The following TLE1 variants were observed in gnomAD, a reference collection of about 807,000 sequenced individuals.
TLE1 encodes the protein transducin-like enhancer protein 1.
TLE1 carries 21 observed loss-of-function variants against 89.8 expected under a neutral mutation model. That is an observed-to-expected ratio of 0.23 (90% CI 0.17 to 0.34). The LOEUF is 0.34. Ranked by LOEUF, TLE1 falls within the 10% of genes least tolerant of loss-of-function variation. The probability of loss-of-function intolerance (pLI) is 1.00; values close to 1 mark genes in which losing one functional copy is unlikely to be tolerated. For missense variants in TLE1, 795 were observed against 1,031.2 expected, an observed-to-expected ratio of 0.77 and a Z score of 3.14; for synonymous variants, 447 against 407.6, an observed-to-expected ratio of 1.10 and a Z score of -1.16.
At chr9:81,612,140 T>A (rs1040285631) in intron 12 of TLE1, among the ~76,000 whole-genome samples, 181 bp from the exon 13 acceptor site, 5 of 152,138 alleles carry the variant, frequency 3.3e-5, no homozygotes, top group African/African-American at 7.2e-5. Context: ...CCAGAGCGAA[T>A]GCATCTCCAG....
At chr9:81,647,845 G>A (rs1489507784) in intron 6 of TLE1, among the ~76,000 whole-genome samples, 1 of 151,950 alleles carries the variant, frequency 6.6e-6, no homozygotes, top group Non-Finnish European at 1.5e-5. Flanking sequence ...ATTCCTATGT[G>A]GATTACCAAA....
chr9:81,675,728 G>C lies in TLE1; in HGVS notation c.234+9948C>G, dbSNP rs922792370. 2.0e-4 allele frequency among the ~76,000 whole-genome samples: 19 copies of C among 96,734 alleles called. 1 individual carries two copies. Among genetic ancestry groups the C allele is most frequent in the African/African-American group, 1.1e-3 (19 of 17,702 alleles). 63.5% of individuals were successfully genotyped at this position (96,734 alleles called of 152,430 possible). ...TTTTTGTTTTTTTTTTTGAGACGGA[G>C]TCTCGCTCTGTCGCCAGGCTGGAGT... On this transcript the variant is annotated intron_variant, in intron 4 of 19. Transcript: ENST00000376499.
Position 81,664,213 on chromosome 9 carries a change from G to A in TLE1, c.235-10177C>T, listed in dbSNP as rs575490282. 3.3e-5 allele frequency among the ~76,000 whole-genome samples: 5 copies of A among 150,642 alleles called. No individual in the cohort carries two copies. In the East Asian group the frequency reaches 5.9e-4, roughly 18 times the overall value. On this transcript the variant is annotated intron_variant, in intron 4 of 19. Coordinates refer to ENST00000376499, the MANE Select transcript of TLE1 (RefSeq NM_005077.5). The stretch of plus-strand genomic sequence containing the variant: ...ATGGATCACTTGAGGCCAGGAGTTC[G>A]AGACCAGCCTGGGCAACACAGCAAG...
intron 4 of TLE1, among the ~76,000 whole-genome samples, chr9:81,672,838 TTTG>T (rs1832399255): frequency 6.6e-6 from 1 of 152,196 alleles, no homozygotes; most frequent in Admixed American, 6.5e-5. Flanking sequence ...AACCAAATCC[TTTG>T]TTGTTCTTCC....
intron 4 of TLE1, among the ~76,000 whole-genome samples, chr9:81,663,418 A>G (rs887000538): frequency 6.6e-6 from 1 of 152,168 alleles, no homozygotes; most frequent in Non-Finnish European, 1.5e-5. Flanking sequence ...AGATAAAACA[A>G]GAAAGAGCTG....
intron 14 of TLE1, among the ~76,000 whole-genome samples, chr9:81,604,586 T>C (rs1272162154): frequency 1.3e-5 from 2 of 152,138 alleles, no homozygotes; most frequent in African/African-American, 4.8e-5. Context: ...GGAAAATGCA[T>C]TGTTCTGGGC....
chr9:81,615,119 A>AAAGAAG lies in TLE1; in HGVS notation c.918+857_918+862dup, dbSNP rs772033823. ...AAAAAAAAAAAAAAAAAAAAAAAAA[A>AAAGAAG]AAGAAGAAGAAGAAGAAGGCAATGA... is the stretch of plus-strand genomic sequence containing the variant. On this transcript the variant is annotated intron_variant, in intron 11 of 19. Transcript: ENST00000376499. 1.4e-3 allele frequency among the ~76,000 whole-genome samples: 116 copies of AAAGAAG among 81,304 alleles called. 6 individuals carry two copies. Among genetic ancestry groups the AAAGAAG allele is most frequent in the East Asian group, 5.6e-3 (13 of 2,338 alleles). The allele number at this position is 81,304 out of a possible 152,430, so 53.3% of individuals were successfully genotyped here.
intron 15 of TLE1, among the ~76,000 whole-genome samples, chr9:81,591,710 G>A (rs1180310994): frequency 1.3e-5 from 2 of 152,150 alleles, no homozygotes; most frequent in Non-Finnish European, 2.9e-5. Flanking sequence ...AAAGATTAAA[G>A]AAACTTTAAG....
intron 6 of TLE1, among the ~76,000 whole-genome samples, chr9:81,650,055 T>C: frequency 6.6e-6 from 1 of 152,198 alleles, no homozygotes; most frequent in East Asian, 1.9e-4. Flanking sequence ...CTCGCTTGCA[T>C]TGCGCCTGAT....
Position 81,669,919 on chromosome 9 carries a change from C to G in TLE1, c.234+15757G>C, listed in dbSNP as rs146871375. 1.8e-4 allele frequency among the ~76,000 whole-genome samples: 27 copies of G among 152,282 alleles called. 1 individual carries two copies. In the East Asian group the frequency reaches 5.2e-3, roughly 29 times the overall value. On this transcript the variant is annotated intron_variant, in intron 4 of 19. Coordinates refer to ENST00000376499, the MANE Select transcript of TLE1 (RefSeq NM_005077.5). ...ATAAGTTTAGGCCCCCACAGTATATCAATGTCAAACAACATCGTGTCAAGC... is the reference window on the plus strand; with the variant it reads ...ATAAGTTTAGGCCCCCACAGTATATGAATGTCAAACAACATCGTGTCAAGC...
chr9:81,630,149 AG>A (rs1222637123), intron 8 of TLE1, among the ~76,000 whole-genome samples: 1 of 151,794 alleles, frequency 6.6e-6, no homozygotes, highest in Non-Finnish European at 1.5e-5. Flanking sequence ...AAAAAAAAAC[AG>A]TAAGGAGTTC....
rs1564104241 is a variant in TLE1, at chr9:81,587,914, G to GTGTGTGTGTGTCATCCCGCC, written c.1830-87_1830-86insGGCGGGATGACACACACACA. 874 of 867,926 alleles carry GTGTGTGTGTGTCATCCCGCC rather than the reference G, an allele frequency of 1.0e-3. 6 individuals are homozygous for GTGTGTGTGTGTCATCCCGCC. Among genetic ancestry groups the GTGTGTGTGTGTCATCCCGCC allele is most frequent in the Middle Eastern group, 3.1e-3 (12 of 3,928 alleles). 53.8% of individuals were successfully genotyped at this position (867,926 alleles called of 1,614,324 possible). A position where few individuals can be genotyped will look rare whatever the true frequency, so the allele number is the denominator to read the frequency against. ...GTGTTGTTAGTTTTGGACCGTGTGTGTGTGTGTGTGTGTGTGTGTGTGTGT... is the reference window on the plus strand; with the variant it reads ...GTGTTGTTAGTTTTGGACCGTGTGTGTGTGTGTGTGTCATCCCGCCTGTGTGTGTGTGTGTGTGTGTGTGT... On this transcript the variant is annotated intron_variant, in intron 16 of 19. Coordinates refer to ENST00000376499, the MANE Select transcript of TLE1 (RefSeq NM_005077.5).
intron 5 of TLE1, among the ~76,000 whole-genome samples, chr9:81,653,707 C>T (rs911690609): frequency 6.6e-6 from 1 of 152,130 alleles, no homozygotes; most frequent in African/African-American, 2.4e-5. Context: ...CAAGCTTATG[C>T]TACTTAAAGC....
intron 6 of TLE1, among the ~76,000 whole-genome samples, chr9:81,650,870 G>A (rs1829448307): frequency 6.6e-6 from 1 of 152,166 alleles, no homozygotes; most frequent in Non-Finnish European, 1.5e-5. Context: ...AAAAGGAAAT[G>A]AAGGTCACCC....
chr9:81,674,832 A>G (rs1588219908), intron 4 of TLE1, among the ~76,000 whole-genome samples: 1 of 152,152 alleles, frequency 6.6e-6, no homozygotes, highest in Admixed American at 6.5e-5. Context: ...GGAAAACCCT[A>G]TAAAAACAGG....
chr9:81,617,454 T>C (rs527325928), intron 9 of TLE1, among the ~76,000 whole-genome samples: 14 of 152,300 alleles, frequency 9.2e-5, no homozygotes, highest in African/African-American at 3.4e-4. Flanking sequence ...TCCCAGCACT[T>C]TGGGAGGCCG....
chr9:81,670,121 G>A (rs992663275), intron 4 of TLE1, among the ~76,000 whole-genome samples: 3 of 152,122 alleles, frequency 2.0e-5, no homozygotes, highest in South Asian at 2.1e-4. Flanking sequence ...CTCTCAAATC[G>A]AATGATTCTG....
At chr9:81,686,096 A>T (rs774082399) in intron 2 of TLE1, among the ~76,000 whole-genome samples, 200 bp from the exon 3 acceptor site, 2 of 152,212 alleles carry the variant, frequency 1.3e-5, no homozygotes, top group African/African-American at 4.8e-5. Flanking sequence ...CCATTCAGCT[A>T]CCATTCTTCT....
chr9:81,633,234 G>A, intron 8 of TLE1, 114 bp downstream of exon 8: 2 of 1,528,990 alleles, frequency 1.3e-6, no homozygotes, highest in Admixed American at 1.8e-5. Context: ...GAGAGACAGG[G>A]AGAGTGTGCA....
Sources: gnomAD v4.1 joint callset for allele counts (sites outside exome capture counted in the v4.1 genomes callset) on GRCh38, gnomAD v4.1.1 for gene constraint, MANE v1.5 for transcripts, NCBI Gene and HGNC (gene_info 2026-07-23, HGNC 2026-07-21) for gene names.